MSRA: variants seen among roughly 807,000 people sequenced by gnomAD.
The protein encoded by MSRA is mitochondrial peptide methionine sulfoxide reductase.
A neutral mutation model predicts 31.3 loss-of-function variants in MSRA; 54 were observed. That is an observed-to-expected ratio of 1.73 (90% CI 1.39 to 2.17). MSRA has a LOEUF of 2.17. Among genes scored for constraint, MSRA ranks in the 30% most tolerant of loss-of-function variants. MSRA has a pLI of 0.00. For synonymous variants in MSRA, 169 were observed against 116.5 expected, an observed-to-expected ratio of 1.45 and a Z score of -2.90; for missense variants, 507 against 300.9, an observed-to-expected ratio of 1.69 and a Z score of -5.07.
At position 10,232,629 on chromosome 8, in the gene MSRA, C is replaced by T. The variant is rs571672805; in HGVS notation, c.212-12475C>T. 9.5e-4 allele frequency among the ~76,000 whole-genome samples: 145 copies of T among 152,246 alleles called. 1 individual carries two copies. The highest frequency in any genetic ancestry group is 1.4e-3 in the Non-Finnish European group (95 of 67,996). ...GAAAAGGGCTTTATGAAAATTTGAA[C>T]TTTCTTTAAGGTTCTTCCTGAAGAT... On this transcript the variant is annotated intron_variant, in intron 2 of 5. Transcript: ENST00000317173.
At chr8:10,123,864 TTTTC>T (rs1801301989) in intron 1 of MSRA, among the ~76,000 whole-genome samples, 1 of 152,058 alleles carries the variant, frequency 6.6e-6, no homozygotes. Context: ...ATGCTTTTTT[TTTTC>T]TTTCTTCTTC....
chr8:10,309,266 C>T lies in MSRA; in HGVS notation c.436+7628C>T, dbSNP rs374151083. Among the ~76,000 whole-genome samples the T allele has an allele frequency of 1.1e-4, 17 of 152,364 alleles. No individual in the cohort carries two copies. The South Asian group carries it at 2.7e-3, about 24-fold the overall frequency. ...TGAACTAGTGAGTGAACCTCTGTTT[C>T]TGCATCTGTAATAGTTTGTGCCTTC... On this transcript the variant is annotated intron_variant, in intron 4 of 5. Coordinates refer to ENST00000317173, the MANE Select transcript of MSRA (RefSeq NM_012331.5).
intron 5 of MSRA, among the ~76,000 whole-genome samples, chr8:10,411,913 G>A (rs974354274): frequency 4.6e-5 from 7 of 152,186 alleles, no homozygotes; most frequent in African/African-American, 1.7e-4. Flanking sequence ...CCTGTTCTGT[G>A]GACACCGCCC....
chr8:10,348,619 C>G lies in MSRA; in HGVS notation c.543+28630C>G, dbSNP rs1803938407. Among the ~76,000 whole-genome samples, 4 of 152,062 alleles carry G rather than the reference C, an allele frequency of 2.6e-5. No homozygotes were observed. In the South Asian group the frequency reaches 8.3e-4, roughly 32 times the overall value. ...TCTTGACCTCGTGATCCGCCTGCCT[C>G]GGCCTCCCAAAGTGCTGGGATTACA... On this transcript the variant is annotated intron_variant, in intron 5 of 5. Transcript: ENST00000317173.
intron 5 of MSRA, among the ~76,000 whole-genome samples, chr8:10,410,083 T>C (rs1563449660): frequency 6.6e-6 from 1 of 152,208 alleles, no homozygotes; most frequent in African/African-American, 2.4e-5. Flanking sequence ...TATTTCTTCG[T>C]AGAGCAAGTC....
chr8:10,295,887 G>A (rs879893920), intron 3 of MSRA, among the ~76,000 whole-genome samples: 1 of 152,164 alleles, frequency 6.6e-6, no homozygotes, highest in Admixed American at 6.5e-5. Context: ...GGCCTCTCCA[G>A]GGAGGCAAGA....
At chr8:10,315,833 C>A (rs1801679878) in intron 4 of MSRA, among the ~76,000 whole-genome samples, 1 of 152,144 alleles carries the variant, frequency 6.6e-6, no homozygotes, top group African/African-American at 2.4e-5. Flanking sequence ...GACATGGAGT[C>A]CCAAAAGACA....
chr8:10,305,209 C>T (rs896174084), intron 4 of MSRA, among the ~76,000 whole-genome samples: 1 of 152,084 alleles, frequency 6.6e-6, no homozygotes, highest in Non-Finnish European at 1.5e-5. Context: ...TGTGGAGATT[C>T]TTGCTGATGT....
chr8:10,138,861 A>C (rs1375281134), intron 1 of MSRA, among the ~76,000 whole-genome samples: 6 of 151,388 alleles, frequency 4.0e-5, no homozygotes, highest in African/African-American at 1.5e-4. Flanking sequence ...TTAAAATGAT[A>C]GCAGCAGCAG....
chr8:10,297,307 G>C (rs1460223356), intron 3 of MSRA, among the ~76,000 whole-genome samples: 1 of 152,188 alleles, frequency 6.6e-6, no homozygotes, highest in Non-Finnish European at 1.5e-5. Context: ...GATGCTTAGA[G>C]AGGACATCAT....
At chr8:10,255,836 A>G (rs988928219) in intron 3 of MSRA, among the ~76,000 whole-genome samples, 3 of 152,106 alleles carry the variant, frequency 2.0e-5, no homozygotes, top group African/African-American at 7.2e-5. Context: ...TTTTCATCTA[A>G]TAAACTGTTT....
rs565243378 is a variant in MSRA at position 10,374,439 on chromosome 8, G to A, written c.544-53709G>A. On this transcript the variant is annotated intron_variant, in intron 5 of 5. Transcript: ENST00000317173. ...CAGGCTAGATCCTAGGCTGGGTACC[G>A]TGCATATGAGTCCCGCAAGAACACT... Among the ~76,000 whole-genome samples the A allele has an allele frequency of 5.3e-5, 8 of 152,266 alleles. No individual in the cohort carries two copies. The East Asian group carries it at 7.7e-4, about 15-fold the overall frequency.
At position 10,226,331 on chromosome 8, in the gene MSRA, CTGA is replaced by C. The variant is rs199878512; in HGVS notation, c.211+18433_211+18435del. 7.1e-3 allele frequency among the ~76,000 whole-genome samples: 1,079 copies of C among 152,332 alleles called. 41 individuals are homozygous for C. The highest frequency in any genetic ancestry group is 0.063 in the Admixed American group (957 of 15,298). Reference sequence around the variant, plus strand: ...AAATGGAGTGATCCAGGCTGATCTGCTGATGTTTTACTGCTTGTCAAGAATGCT... The same window carrying C: ...AAATGGAGTGATCCAGGCTGATCTGCTGTTTTACTGCTTGTCAAGAATGCT... On this transcript the variant is annotated intron_variant, in intron 2 of 5. Transcript: ENST00000317173.
At chr8:10,123,009 A>G (rs1181928347) in intron 1 of MSRA, among the ~76,000 whole-genome samples, 1 of 152,154 alleles carries the variant, frequency 6.6e-6, no homozygotes, top group Non-Finnish European at 1.5e-5. Flanking sequence ...GCATGTGTCT[A>G]TATAGGAGAA....
intron 1 of MSRA, among the ~76,000 whole-genome samples, chr8:10,204,457 C>G (rs1212635310): frequency 1.3e-5 from 2 of 152,056 alleles, no homozygotes; most frequent in African/African-American, 4.8e-5. Context: ...TTTACCGTAC[C>G]TTTTCTGTGC....
At chr8:10,178,977 T>G (rs1426002935) in intron 1 of MSRA, among the ~76,000 whole-genome samples, 1 of 152,146 alleles carries the variant, frequency 6.6e-6, no homozygotes, top group Admixed American at 6.6e-5. Flanking sequence ...GGAATATGAC[T>G]CTTAGGAATC....
chr8:10,225,306 C>T (rs1048348396), intron 2 of MSRA, among the ~76,000 whole-genome samples: 2 of 152,170 alleles, frequency 1.3e-5, no homozygotes, highest in African/African-American at 4.8e-5. Flanking sequence ...CTCAACCCTT[C>T]TTTGTGCCTT....
intron 3 of MSRA, among the ~76,000 whole-genome samples, chr8:10,274,651 A>G (rs564607186): frequency 1.3e-5 from 2 of 152,270 alleles, no homozygotes; most frequent in South Asian, 2.1e-4. Context: ...TGTGTTATCC[A>G]TATGCCTGAT....
chr8:10,416,724 C>T (rs1808482717), intron 5 of MSRA, among the ~76,000 whole-genome samples: 1 of 152,212 alleles, frequency 6.6e-6, no homozygotes, highest in African/African-American at 2.4e-5. Flanking sequence ...ACACTCTAAC[C>T]TCACATGGGA....
Sources: allele counts gnomAD v4.1 joint callset (sites outside exome capture counted in the v4.1 genomes callset), GRCh38; gene constraint gnomAD v4.1.1; transcripts MANE v1.5; gene names NCBI Gene and HGNC (gene_info 2026-07-23, HGNC 2026-07-21).